LGSN: variants seen among roughly 807,000 people sequenced by gnomAD.
LGSN encodes the protein lengsin, lens protein with glutamine synthetase domain.
LGSN carries 21 observed loss-of-function variants against 19.5 expected under a neutral mutation model. That is an observed-to-expected ratio of 1.07 (90% CI 0.76 to 1.55). The LOEUF (loss-of-function observed/expected upper bound fraction) is 1.55. Ranked by LOEUF, LGSN falls within the 40% of genes most tolerant of loss-of-function variation. The pLI is 0.00. For synonymous variants in LGSN, 257 were observed against 215.6 expected (o/e 1.19, Z -1.68); for missense variants, 673 against 608.5 (o/e 1.11, Z -1.12).
chr6:63,548,800 A>G, the LGSN span: 1 of 731,920 alleles, frequency 1.4e-6, no homozygotes, highest in Non-Finnish European at 2.5e-6. Context: ...TTGCCTCCCC[A>G]GTGACGGCGG....
chr6:63,313,760 C>T (rs943980938), intron 1 of LGSN, among the ~76,000 whole-genome samples: 9 of 151,884 alleles, frequency 5.9e-5, no homozygotes, highest in Non-Finnish European at 8.8e-5. Flanking sequence ...CACTTGAATC[C>T]GGGAGGTGGA....
upstream of LGSN, among the ~76,000 whole-genome samples, chr6:63,323,722 T>C (rs1490284859): frequency 6.6e-6 from 1 of 151,400 alleles, no homozygotes; most frequent in Non-Finnish European, 1.5e-5. Context: ...CAAATTGCTC[T>C]AATGTCTAGC....
the LGSN span, among the ~76,000 whole-genome samples, chr6:63,509,865 G>T: frequency 6.6e-6 from 1 of 152,348 alleles, no homozygotes; most frequent in African/African-American, 2.4e-5. Context: ...GCCAGGTTTA[G>T]CACAGTGTTT....
the LGSN span, among the ~76,000 whole-genome samples, chr6:63,389,179 G>C: frequency 6.6e-6 from 1 of 152,140 alleles, no homozygotes; most frequent in South Asian, 2.1e-4. Flanking sequence ...TAAGTAAATT[G>C]CTCAGAGTCA....
At chr6:63,299,960 G>A (rs368840939) in intron 1 of LGSN, among the ~76,000 whole-genome samples, 1 of 152,150 alleles carries the variant, frequency 6.6e-6, no homozygotes, top group South Asian at 2.1e-4. Flanking sequence ...CACTGAAAAG[G>A]CTGGCTACTG....
At chr6:63,401,164 T>C in the LGSN span, among the ~76,000 whole-genome samples, 1 of 151,758 alleles carries the variant, frequency 6.6e-6, no homozygotes, top group East Asian at 1.9e-4. Context: ...AAGACTTAGT[T>C]ACAAAGCTAG....
At chr6:63,463,375 T>C in the LGSN span, among the ~76,000 whole-genome samples, 6 of 152,296 alleles carry the variant, frequency 3.9e-5, no homozygotes, top group Non-Finnish European at 8.8e-5. Flanking sequence ...TCCAGTAAGG[T>C]GTGCCACAGA....
chr6:63,343,448 A>G, the LGSN span, among the ~76,000 whole-genome samples: 5 of 152,288 alleles, frequency 3.3e-5, no homozygotes, highest in South Asian at 1.0e-3. Context: ...CAATTTTTCA[A>G]CTTATAAATA....
Position 63,277,100 on chromosome 6 carries a change from A to C in LGSN, c.*2921T>G, listed in dbSNP as rs566031174. On this transcript the variant is annotated 3_prime_UTR_variant, in exon 4 of 4. Transcript: ENST00000370657. The stretch of plus-strand genomic sequence containing the variant: ...CGACTGTACACTTAATACTGAAGAT[A>C]ATATTCCTAGTTATATAATTCCTTC... 6.6e-6 allele frequency: 1 copy of C among 152,218 alleles called. No individual in the cohort carries two copies. Among genetic ancestry groups the C allele is most frequent in the Admixed American group, 6.5e-5 (1 of 15,286 alleles). The allele number at this position is 152,218 out of a possible 1,614,324, so 9.4% of individuals were successfully genotyped here. A position where few individuals can be genotyped will look rare whatever the true frequency, so the allele number is the denominator to read the frequency against.
the LGSN span, among the ~76,000 whole-genome samples, chr6:63,563,789 G>T: frequency 1.5e-4 from 23 of 152,064 alleles, no homozygotes; most frequent in African/African-American, 5.6e-4. Flanking sequence ...GGAGGCCCTA[G>T]GACAAAACTC....
At chr6:63,316,356 A>G (rs773699271) in intron 1 of LGSN, among the ~76,000 whole-genome samples, 12 of 152,186 alleles carry the variant, frequency 7.9e-5, no homozygotes, top group Middle Eastern at 3.2e-3. Context: ...AATAGTCAAC[A>G]GTGTGTATCA....
At chr6:63,552,581 T>C in the LGSN span, among the ~76,000 whole-genome samples, 2 of 152,242 alleles carry the variant, frequency 1.3e-5, no homozygotes, top group African/African-American at 2.4e-5. Flanking sequence ...GCCATTGCTT[T>C]TGGTGTTTTA....
the LGSN span, among the ~76,000 whole-genome samples, chr6:63,500,128 C>A: frequency 6.6e-6 from 1 of 152,134 alleles, no homozygotes; most frequent in Non-Finnish European, 1.5e-5. Flanking sequence ...CTTCTCCTGG[C>A]CAGTATTGTC....
the LGSN span, among the ~76,000 whole-genome samples, chr6:63,535,738 A>T: frequency 3.9e-5 from 6 of 152,322 alleles, no homozygotes; most frequent in East Asian, 9.7e-4. Flanking sequence ...TCAAAGGATC[A>T]CAAAGCTGAC....
chr6:63,288,685 C>T (rs1018956341), intron 2 of LGSN, among the ~76,000 whole-genome samples: 6 of 152,160 alleles, frequency 3.9e-5, no homozygotes, highest in African/African-American at 1.2e-4. Context: ...GCTAGAGGTC[C>T]GAAACCAAAG....
At chr6:63,551,780 G>A in the LGSN span, among the ~76,000 whole-genome samples, 1 of 148,150 alleles carries the variant, frequency 6.7e-6, no homozygotes. Flanking sequence ...ACCTATGAAT[G>A]AGAACATGTG....
the LGSN span, among the ~76,000 whole-genome samples, chr6:63,416,105 G>A: frequency 6.6e-6 from 1 of 150,680 alleles, no homozygotes; most frequent in East Asian, 1.9e-4. Context: ...CCATTTCCAA[G>A]GGAGATGCTT....
the LGSN span, among the ~76,000 whole-genome samples, chr6:63,426,484 G>T: frequency 6.0e-5 from 9 of 149,946 alleles, no homozygotes; most frequent in Admixed American, 5.9e-4. Context: ...GTAACTGTAG[G>T]CTGCATAAAG....
At chr6:63,441,824 C>G in the LGSN span, 1 of 313,346 alleles carries the variant, frequency 3.2e-6, no homozygotes, top group Non-Finnish European at 6.2e-6. Flanking sequence ...GCTGCTGCTG[C>G]TTTGTGCAGC....
Sources: gnomAD v4.1 joint callset for allele counts (sites outside exome capture counted in the v4.1 genomes callset) on GRCh38, gnomAD v4.1.1 for gene constraint, MANE v1.5 for transcripts, NCBI Gene and HGNC (gene_info 2026-07-23, HGNC 2026-07-21) for gene names.